PJA2: variants seen among roughly 807,000 people sequenced by gnomAD.
The protein encoded by PJA2 is E3 ubiquitin-protein ligase Praja-2.
Under a neutral mutation model 69.3 loss-of-function variants are expected in PJA2, and 25 were observed. That is an observed-to-expected ratio of 0.36 (90% CI 0.26 to 0.50). The LOEUF is 0.50. PJA2 is among the 20% of genes least tolerant of loss of function. The probability of loss-of-function intolerance (pLI) is 0.96; values close to 1 mark genes in which losing one functional copy is unlikely to be tolerated. For synonymous variants in PJA2, 308 were observed against 277.8 expected (o/e 1.11, Z -1.08); for missense variants, 809 against 830.2 (o/e 0.97, Z 0.31).
chr5:109,394,208 T>C (rs1272907968), intron 1 of PJA2, among the ~76,000 whole-genome samples: 1 of 151,762 alleles, frequency 6.6e-6, no homozygotes, highest in East Asian at 1.9e-4. Context: ...CCACCATGCC[T>C]GGATAATTTT....
intron 7 of PJA2, among the ~76,000 whole-genome samples, chr5:109,353,808 ATAGAT>A (rs1373220046): frequency 1.5e-5 from 2 of 132,560 alleles, no homozygotes; most frequent in East Asian, 2.3e-4. Context: ...AGAGATATCT[ATAGAT>A]TAGATGTCTA....
chr5:109,341,872 G>A (rs1762070836), intron 9 of PJA2, among the ~76,000 whole-genome samples: 2 of 116,288 alleles, frequency 1.7e-5, no homozygotes, highest in East Asian at 5.0e-4. Context: ...CGGGAGGGAG[G>A]TGGGGGGGTG....
In PJA2 at chr5:109,378,448, T is replaced by C. The variant is rs774669589; in HGVS notation, c.1039A>G (p.Arg347Gly). Residue 347 changes from arginine to glycine, a missense_variant, in exon 4 of 10, where the codon AGA becomes GGA. Physicochemically the swap from Arg to Gly is moderately radical, Grantham distance 125 (BLOSUM62 -2). Around this residue, in one of 4 missense-constraint regions of PJA2, gnomAD observed 700 missense variants for 639.5 expected, o/e 1.09. Transcript: ENST00000361189. ...EAKQRSVQRW[R>G]EALEVEESGS... Reference sequence around the variant, plus strand: ...CTTTCCTCAACTTCCAAAGCCTCTCTCCATCTTTGAACACTTCTTTGTTTC... The same window carrying C: ...CTTTCCTCAACTTCCAAAGCCTCTCCCCATCTTTGAACACTTCTTTGTTTC... 14 of 1,614,064 alleles carry C rather than the reference T, an allele frequency of 8.7e-6. No homozygotes were observed. Among genetic ancestry groups the C allele is most frequent in the South Asian group, 4.4e-5 (4 of 91,086 alleles).
At chr5:109,407,081 AT>A in intron 1 of PJA2, among the ~76,000 whole-genome samples, 1 of 152,334 alleles carries the variant, frequency 6.6e-6, no homozygotes, top group East Asian at 1.9e-4. Flanking sequence ...AGATGAAAAT[AT>A]TCTATATCTT....
chr5:109,338,204 C>A (rs1442954463), intron 9 of PJA2, among the ~76,000 whole-genome samples: 1 of 152,060 alleles, frequency 6.6e-6, no homozygotes, highest in South Asian at 2.1e-4. Context: ...TGGGAACATT[C>A]TCCCCAGAAA....
intron 7 of PJA2, among the ~76,000 whole-genome samples, chr5:109,353,217 T>C (rs914922213): frequency 2.1e-5 from 3 of 142,028 alleles, no homozygotes; most frequent in African/African-American, 2.6e-5. Context: ...TATCTATAGA[T>C]ATCTATATAT....
intron 4 of PJA2, among the ~76,000 whole-genome samples, chr5:109,372,923 A>AAAAAAAAAAAAAAAAAAAAAAG (rs1272538036): frequency 2.5e-4 from 34 of 136,830 alleles, no homozygotes; most frequent in Non-Finnish European, 3.9e-4. Flanking sequence ...AAAAAAAAAA[A>AAAAAAAAAAAAAAAAAAAAAAG]AAAGAAAGAA....
chr5:109,368,081 G>C (rs547488862), intron 5 of PJA2, among the ~76,000 whole-genome samples: 1 of 152,234 alleles, frequency 6.6e-6, no homozygotes, highest in Non-Finnish European at 1.5e-5. Flanking sequence ...TACAGTACTA[G>C]AGCTTTCCCA....
At position 109,335,297 on chromosome 5, in the gene PJA2, A is replaced by T. The variant is rs1761919642; in HGVS notation, c.*1934T>A. ...AGGGAGCCAAGAATGAAGGACAGTA[A>T]CAGATGGAAAGCAAAAAGTACAACA... On this transcript the variant is annotated 3_prime_UTR_variant, in exon 10 of 10. Transcript: ENST00000361189. The T allele has an allele frequency of 6.5e-6, 1 of 152,676 alleles. No homozygotes were observed. The allele number at this position is 152,676 out of a possible 1,614,324, so 9.5% of individuals were successfully genotyped here. A position where few individuals can be genotyped will look rare whatever the true frequency, so the allele number is the denominator to read the frequency against.
intron 5 of PJA2, among the ~76,000 whole-genome samples, chr5:109,365,806 G>A (rs1762577212): frequency 6.6e-6 from 1 of 152,120 alleles, no homozygotes; most frequent in East Asian, 1.9e-4. Flanking sequence ...TGAGTCATGT[G>A]ACCAATTATT....
chr5:109,372,435 CTTTT>C (rs1310938016), intron 4 of PJA2, among the ~76,000 whole-genome samples: 3 of 152,212 alleles, frequency 2.0e-5, no homozygotes, highest in Non-Finnish European at 4.4e-5. Flanking sequence ...AAAATCGCTT[CTTTT>C]GTTTTTCAAT....
intron 1 of PJA2, among the ~76,000 whole-genome samples, chr5:109,402,102 AAG>A (rs1747566789): frequency 6.6e-6 from 1 of 152,264 alleles, no homozygotes; most frequent in Non-Finnish European, 1.5e-5. Flanking sequence ...AACTTTTTAA[AAG>A]AGAGGAAAAG....
At chr5:109,385,003 G>A (rs1370556482) in intron 1 of PJA2, among the ~76,000 whole-genome samples, 2 of 152,098 alleles carry the variant, frequency 1.3e-5, no homozygotes, top group Non-Finnish European at 2.9e-5. Context: ...TTTTAGTAGA[G>A]ACAGGGTTTC....
Position 109,368,632 on chromosome 5 carries a change from C to T in PJA2, c.1398G>A (p.Glu466=). The T allele has an allele frequency of 6.2e-7, 1 of 1,614,132 alleles. No individual in the cohort carries two copies. Among genetic ancestry groups the T allele is most frequent in the South Asian group, 1.1e-5 (1 of 91,084 alleles). The part of the protein sequence containing the change: ...ESWETLPGKD[E]NEPELQSDSS... ...TATCACTTTGTAGCTCAGGTTCATT[C>T]TCATCTTTTCCTGGCAGAGTCTCCC... Residue 466 remains glutamate, a synonymous_variant, in exon 5 of 10, where the codon GAG becomes GAA. Coordinates refer to ENST00000361189, the MANE Select transcript of PJA2 (RefSeq NM_014819.5).
intron 4 of PJA2, among the ~76,000 whole-genome samples, chr5:109,369,407 T>A (rs1467052894): frequency 6.6e-6 from 1 of 152,188 alleles, no homozygotes; most frequent in East Asian, 1.9e-4. Context: ...TTACACTACA[T>A]CCATGGTACC....
Position 109,401,826 on chromosome 5 carries a change from C to T in PJA2, c.-88+8016G>A, listed in dbSNP as rs184495346. 5.3e-5 allele frequency among the ~76,000 whole-genome samples: 8 copies of T among 152,292 alleles called. No homozygotes were observed. The East Asian group carries it at 1.5e-3, about 29-fold the overall frequency. On this transcript the variant is annotated intron_variant, in intron 1 of 9. Transcript: ENST00000361189. ...ATTTTAATTTAACTTGTACTAACTA[C>T]TTTAAATTCAAATTTAAATAGCTAC... is the stretch of plus-strand genomic sequence containing the variant.
intron 1 of PJA2, among the ~76,000 whole-genome samples, chr5:109,388,499 C>G (rs1209779458): frequency 6.6e-6 from 1 of 152,114 alleles, no homozygotes; most frequent in Non-Finnish European, 1.5e-5. Context: ...CTCTCTTATC[C>G]TGCAACAGGT....
intron 7 of PJA2, among the ~76,000 whole-genome samples, chr5:109,347,604 C>A (rs567054627): frequency 4.5e-4 from 69 of 152,336 alleles, no homozygotes; most frequent in Middle Eastern, 6.8e-3. Flanking sequence ...TCTCTTGCCC[C>A]AGAGGGCAGA....
chr5:109,383,544 C>G (rs1288620726), intron 1 of PJA2, 24 bp from the exon 2 acceptor site: 1 of 852,460 alleles, frequency 1.2e-6, no homozygotes, highest in Non-Finnish European at 1.8e-6. Flanking sequence ...ATGAATTGAA[C>G]AATATATTAA....
Sources: gnomAD v4.1 joint callset for allele counts (sites outside exome capture counted in the v4.1 genomes callset) on GRCh38, gnomAD v4.1.1 for gene constraint, gnomAD v4.1.1 regional missense constraint, MANE v1.5 for transcripts, NCBI Gene and HGNC (gene_info 2026-07-23, HGNC 2026-07-21) for gene names.